CACNB2: variants seen among roughly 807,000 people sequenced by gnomAD.
CACNB2 encodes calcium voltage-gated channel auxiliary subunit beta 2.
A neutral mutation model predicts 73.3 loss-of-function variants in CACNB2; 42 were observed. The observed-to-expected ratio is 0.57, with a 90% CI of 0.45 to 0.74. The LOEUF is 0.74. CACNB2 is among the 30% of genes least tolerant of loss of function. The pLI, the probability that CACNB2 is intolerant of heterozygous loss-of-function variation, is 0.00. For synonymous variants in CACNB2, 348 were observed against 310.3 expected, an observed-to-expected ratio of 1.12 and a Z score of -1.28; for missense variants, 940 against 853.0, an observed-to-expected ratio of 1.10 and a Z score of -1.27.
intron 3 of CACNB2, among the ~76,000 whole-genome samples, chr10:18,431,383 C>G (rs1460773384): frequency 1.3e-5 from 2 of 152,142 alleles, no homozygotes; most frequent in Non-Finnish European, 2.9e-5. Context: ...ATCTGCTTTT[C>G]TACTGATGCC....
intron 2 of CACNB2, among the ~76,000 whole-genome samples, chr10:18,220,232 T>TATATATAGAGAGAG (rs1488872721): frequency 4.0e-5 from 1 of 25,094 alleles, no homozygotes. Flanking sequence ...TATATATATA[T>TATATATAGAGAGAG]AGAGAGAGAG....
At chr10:18,274,927 A>G (rs531514324) in intron 2 of CACNB2, among the ~76,000 whole-genome samples, 23 of 152,194 alleles carry the variant, frequency 1.5e-4, no homozygotes, top group African/African-American at 4.3e-4. Context: ...TATTTTTCCA[A>G]TGAACTTAAC....
intron 3 of CACNB2, among the ~76,000 whole-genome samples, chr10:18,463,640 G>A (rs755426080): frequency 7.3e-5 from 11 of 150,422 alleles, no homozygotes; most frequent in Non-Finnish European, 1.2e-4. Flanking sequence ...TTGCCATGGT[G>A]CCCAGACTGT....
chr10:18,430,198 ATAGGCCAAATGTCAACAGACATC>A (rs1253503324), intron 3 of CACNB2, among the ~76,000 whole-genome samples: 1 of 152,074 alleles, frequency 6.6e-6, no homozygotes, highest in Non-Finnish European at 1.5e-5. Context: ...TTTAAGTAGA[ATAGGCCAAATGTCAACAGACATC>A]CAGGGTACTA....
At chr10:18,403,241 C>T (rs539524310) in intron 3 of CACNB2, among the ~76,000 whole-genome samples, 8 of 152,224 alleles carry the variant, frequency 5.3e-5, no homozygotes, top group African/African-American at 1.9e-4. Context: ...GGACGTGGCC[C>T]AGTTGCCATC....
At chr10:18,511,534 C>T (rs1041100326) in intron 6 of CACNB2, among the ~76,000 whole-genome samples, 7 of 152,192 alleles carry the variant, frequency 4.6e-5, no homozygotes, top group African/African-American at 1.4e-4. Flanking sequence ...TATTGTAACA[C>T]CAAGTTGTCT....
In CACNB2 at chr10:18,360,590, C is replaced by T. The variant is rs2042102821; in HGVS notation, c.214-41334C>T. ...AATTCACTTATCACTCACAAGAGTCCTGTGAGGCAGACCTATTGTTTTTAT... is the reference window on the plus strand; with the variant it reads ...AATTCACTTATCACTCACAAGAGTCTTGTGAGGCAGACCTATTGTTTTTAT... On this transcript the variant is annotated intron_variant, in intron 2 of 13. Transcript: ENST00000324631. Among the ~76,000 whole-genome samples, 2 of 152,290 alleles carry T rather than the reference C, an allele frequency of 1.3e-5. 1 individual carries two copies. The highest frequency in any genetic ancestry group is 4.1e-4 in the South Asian group (2 of 4,820).
At chr10:18,257,689 A>G (rs1453018236) in intron 2 of CACNB2, among the ~76,000 whole-genome samples, 3 of 152,138 alleles carry the variant, frequency 2.0e-5, no homozygotes, top group Non-Finnish European at 4.4e-5. Flanking sequence ...TTTTCCTTCC[A>G]GGGATGGTTA....
At chr10:18,425,566 G>T (rs1370193374) in intron 3 of CACNB2, among the ~76,000 whole-genome samples, 1 of 152,102 alleles carries the variant, frequency 6.6e-6, no homozygotes, top group African/African-American at 2.4e-5. Context: ...TACTTGGGAG[G>T]CTGAGTTGGG....
chr10:18,523,833 T>C (rs1263610952), intron 9 of CACNB2, among the ~76,000 whole-genome samples: 1 of 152,242 alleles, frequency 6.6e-6, no homozygotes, highest in East Asian at 1.9e-4. Context: ...TAAGCTAAGT[T>C]TATTTTTTAA....
At chr10:18,495,381 G>C (rs2049730907) in intron 3 of CACNB2, among the ~76,000 whole-genome samples, 1 of 151,926 alleles carries the variant, frequency 6.6e-6, no homozygotes, top group Non-Finnish European at 1.5e-5. Context: ...CACCATGCCT[G>C]GCTAATTTTG....
intron 2 of CACNB2, among the ~76,000 whole-genome samples, chr10:18,315,947 G>A (rs1385706267): frequency 6.6e-6 from 1 of 152,182 alleles, no homozygotes; most frequent in South Asian, 2.1e-4. Context: ...ACAGACAGTA[G>A]CAAAATCATT....
At chr10:18,204,913 T>C (rs2035026787) in intron 2 of CACNB2, among the ~76,000 whole-genome samples, 1 of 151,922 alleles carries the variant, frequency 6.6e-6, no homozygotes, top group South Asian at 2.1e-4. Flanking sequence ...GCCACAAATA[T>C]TTAATGAGTT....
chr10:18,267,062 C>G (rs756483820), intron 2 of CACNB2, among the ~76,000 whole-genome samples: 3 of 151,968 alleles, frequency 2.0e-5, no homozygotes, highest in Non-Finnish European at 2.9e-5. Context: ...TTAAATCACT[C>G]AGAGCTTTTC....
rs1265885720 is a variant in CACNB2 at position 18,307,989 on chromosome 10, T to A, written c.214-93935T>A. Among the ~76,000 whole-genome samples, 71 of 123,896 alleles carry A rather than the reference T, an allele frequency of 5.7e-4. 1 individual carries two copies. Among genetic ancestry groups the A allele is most frequent in the Non-Finnish European group, 9.4e-4 (55 of 58,796 alleles). 81.3% of individuals were successfully genotyped at this position (123,896 alleles called of 152,430 possible). A position where few individuals can be genotyped will look rare whatever the true frequency, so the allele number is the denominator to read the frequency against. On this transcript the variant is annotated intron_variant, in intron 2 of 13. Transcript: ENST00000324631. ...CTAAAATAATATATGCCAACTTTTT[T>A]TTTTTTTTTTTTTTTTTTTTTGAGG...
chr10:18,170,668 A>T (rs1477383551), intron 2 of CACNB2, among the ~76,000 whole-genome samples: 1 of 152,252 alleles, frequency 6.6e-6, no homozygotes, highest in Non-Finnish European at 1.5e-5. Flanking sequence ...CCTTGTGAGG[A>T]CAAGAAGACT....
At chr10:18,491,009 A>C (rs1314790545) in intron 3 of CACNB2, among the ~76,000 whole-genome samples, 4 of 152,158 alleles carry the variant, frequency 2.6e-5, no homozygotes, top group Non-Finnish European at 5.9e-5. Context: ...CATGTCCCAG[A>C]GCACTGTGTC....
chr10:18,194,868 A>T (rs1201727208), intron 2 of CACNB2, among the ~76,000 whole-genome samples: 1 of 152,196 alleles, frequency 6.6e-6, no homozygotes, highest in Non-Finnish European at 1.5e-5. Context: ...CGACATCATG[A>T]TGTCCATTCA....
At chr10:18,322,194 TC>T (rs887008620) in intron 2 of CACNB2, among the ~76,000 whole-genome samples, 13 of 152,178 alleles carry the variant, frequency 8.5e-5, no homozygotes, top group African/African-American at 2.6e-4. Context: ...TTAAAATCCC[TC>T]AAACAGAAAT....
Sources: gnomAD v4.1 joint callset for allele counts (sites outside exome capture counted in the v4.1 genomes callset) on GRCh38, gnomAD v4.1.1 for gene constraint, MANE v1.5 for transcripts, NCBI Gene and HGNC (gene_info 2026-07-23, HGNC 2026-07-21) for gene names.